RNGTT: variants seen among roughly 807,000 people sequenced by gnomAD.
RNGTT encodes mRNA-capping enzyme.
A neutral mutation model predicts 79.3 loss-of-function variants in RNGTT; 33 were observed. That is an observed-to-expected ratio of 0.42 (90% confidence interval 0.32 to 0.56). The LOEUF (loss-of-function observed/expected upper bound fraction) is 0.56. Ranked by LOEUF, RNGTT falls within the 20% of genes least tolerant of loss-of-function variation. The pLI is 0.17. For synonymous variants in RNGTT, 222 were observed against 235.9 expected (o/e 0.94, Z 0.54); for missense variants, 497 against 739.1 (o/e 0.67, Z 3.80).
At chr6:88,782,798 A>C (rs1292305055) in intron 12 of RNGTT, among the ~76,000 whole-genome samples, 2 of 152,206 alleles carry the variant, frequency 1.3e-5, no homozygotes, top group African/African-American at 4.8e-5. Flanking sequence ...AAAGCTGCTC[A>C]GCATTTCTAA....
chr6:88,881,506 A>G (rs1782692671), intron 8 of RNGTT, among the ~76,000 whole-genome samples: 1 of 152,166 alleles, frequency 6.6e-6, no homozygotes, highest in African/African-American at 2.4e-5. Flanking sequence ...CCTCAGCCAA[A>G]TCGAAAGTCC....
chr6:88,953,140 T>G (rs1163913662), intron 1 of RNGTT, among the ~76,000 whole-genome samples: 3 of 152,110 alleles, frequency 2.0e-5, no homozygotes, highest in Non-Finnish European at 2.9e-5. Context: ...AATTGCCAGA[T>G]AAAGAATTCA....
chr6:88,956,893 G>A (rs1328020562), intron 1 of RNGTT, among the ~76,000 whole-genome samples: 1 of 151,990 alleles, frequency 6.6e-6, no homozygotes, highest in Non-Finnish European at 1.5e-5. Flanking sequence ...ACAAAAATTA[G>A]CCAGACGTGG....
intron 13 of RNGTT, among the ~76,000 whole-genome samples, chr6:88,709,593 TTAA>T (rs1213820825): frequency 1.3e-5 from 2 of 152,238 alleles, no homozygotes; most frequent in Admixed American, 6.5e-5. Context: ...AAGATGAATT[TTAA>T]TAATACATTG....
chr6:88,625,664 G>A (rs1772602317), intron 14 of RNGTT, among the ~76,000 whole-genome samples: 1 of 151,722 alleles, frequency 6.6e-6, no homozygotes, highest in South Asian at 2.1e-4. Flanking sequence ...CTTGATTCTA[G>A]TAGTGGCTCT....
At chr6:88,816,281 A>G (rs1404715379) in intron 11 of RNGTT, among the ~76,000 whole-genome samples, 1 of 152,192 alleles carries the variant, frequency 6.6e-6, no homozygotes, top group Non-Finnish European at 1.5e-5. Context: ...ATGCCTCTAT[A>G]TGTACATTAT....
chr6:88,879,284 C>T (rs966561755), intron 8 of RNGTT, among the ~76,000 whole-genome samples: 1 of 152,134 alleles, frequency 6.6e-6, no homozygotes, highest in East Asian at 1.9e-4. Flanking sequence ...GTCCCAGCTA[C>T]TCAGGAGGCT....
At chr6:88,804,743 T>A (rs1459453921) in intron 11 of RNGTT, among the ~76,000 whole-genome samples, 1 of 152,160 alleles carries the variant, frequency 6.6e-6, no homozygotes, top group Non-Finnish European at 1.5e-5. Flanking sequence ...TCCAAACTTG[T>A]TACGGCCATC....
chr6:88,764,894 T>TA (rs1582432728), intron 13 of RNGTT, among the ~76,000 whole-genome samples: 1 of 152,234 alleles, frequency 6.6e-6, no homozygotes, highest in East Asian at 1.9e-4. Context: ...ATGTGATAGG[T>TA]AAAAAATTAC....
chr6:88,883,684 A>G (rs1209811994), intron 8 of RNGTT, among the ~76,000 whole-genome samples: 2 of 152,228 alleles, frequency 1.3e-5, no homozygotes, highest in Non-Finnish European at 2.9e-5. Context: ...ATCAAACCAT[A>G]CAAATATTAG....
chr6:88,886,260 C>T (rs1235979152), intron 8 of RNGTT, among the ~76,000 whole-genome samples: 3 of 151,964 alleles, frequency 2.0e-5, no homozygotes, highest in South Asian at 2.1e-4. Context: ...AAGCAGAGAT[C>T]GCGCCACTGT....
intron 1 of RNGTT, among the ~76,000 whole-genome samples, chr6:88,958,858 A>G (rs928857005): frequency 2.6e-5 from 4 of 152,252 alleles, no homozygotes; most frequent in Non-Finnish European, 5.9e-5. Context: ...ACTACTGGGT[A>G]TCTACCCAGA....
chr6:88,885,340 G>A (rs1782822903), intron 8 of RNGTT, among the ~76,000 whole-genome samples: 1 of 152,100 alleles, frequency 6.6e-6, no homozygotes, highest in Non-Finnish European at 1.5e-5. Context: ...AAAAAATGAG[G>A]GAGAGATGTC....
intron 12 of RNGTT, among the ~76,000 whole-genome samples, chr6:88,787,076 C>T (rs912626047): frequency 6.6e-6 from 1 of 152,090 alleles, no homozygotes; most frequent in Admixed American, 6.5e-5. Context: ...TGTTTATAAG[C>T]CACTCGGTTT....
At chr6:88,779,445 T>C (rs2127848207) in intron 12 of RNGTT, among the ~76,000 whole-genome samples, 1 of 152,326 alleles carries the variant, frequency 6.6e-6, no homozygotes, top group South Asian at 2.1e-4. Flanking sequence ...TCTAAAAAGC[T>C]TTAATATGTA....
chr6:88,715,776 A>C (rs1356081181), intron 13 of RNGTT, among the ~76,000 whole-genome samples: 1 of 152,208 alleles, frequency 6.6e-6, no homozygotes, highest in South Asian at 2.1e-4. Context: ...TAAAAAGCTG[A>C]AACTGGATCC....
At chr6:88,955,900 TGTG>T (rs892293498) in intron 1 of RNGTT, among the ~76,000 whole-genome samples, 17 of 151,090 alleles carry the variant, frequency 1.1e-4, no homozygotes, top group Admixed American at 2.0e-4. Context: ...ATTAGCCGGG[TGTG>T]GTGGCGGGCC....
chr6:88,686,164 G>A (rs1184985162), intron 13 of RNGTT, among the ~76,000 whole-genome samples: 1 of 150,548 alleles, frequency 6.6e-6, no homozygotes, highest in Admixed American at 6.7e-5. Flanking sequence ...AACTATGGAT[G>A]ATCCAATTCA....
At chr6:88,833,112 G>A (rs187506968) in intron 11 of RNGTT, among the ~76,000 whole-genome samples, 1 of 152,112 alleles carries the variant, frequency 6.6e-6, no homozygotes, top group Non-Finnish European at 1.5e-5. Context: ...TCTACTAAAA[G>A]ACACATGCAC....
Sources: allele counts gnomAD v4.1 joint callset (sites outside exome capture counted in the v4.1 genomes callset), GRCh38; gene constraint gnomAD v4.1.1; transcripts MANE v1.5; gene names NCBI Gene and HGNC (gene_info 2026-07-23, HGNC 2026-07-21).